The following RAB5B variants were observed in gnomAD, a reference collection of about 807,000 sequenced individuals.
RAB5B encodes ras-related protein Rab-5B.
Under a neutral mutation model 28.6 loss-of-function variants are expected in RAB5B, and 11 were observed. That is an observed-to-expected ratio of 0.38 (90% CI 0.24 to 0.64). The LOEUF (loss-of-function observed/expected upper bound fraction) is 0.64, where lower values mean the gene tolerates loss of function less well. RAB5B is among the 30% of genes least tolerant of loss of function. The pLI is 0.53. For synonymous variants in RAB5B, 93 were observed against 97.9 expected (o/e 0.95, Z 0.29); for missense variants, 169 against 265.6 (o/e 0.64, Z 2.53).
At chr12:55,975,884 T>TAA (rs1889633296) in intron 1 of RAB5B, among the ~76,000 whole-genome samples, 1 of 148,582 alleles carries the variant, frequency 6.7e-6, no homozygotes, top group African/African-American at 2.5e-5. Context: ...CCCAAGTAGC[T>TAA]GGGACTACAG....
At chr12:55,987,949 C>T (rs1890000707) in intron 2 of RAB5B, among the ~76,000 whole-genome samples, 1 of 151,750 alleles carries the variant, frequency 6.6e-6, no homozygotes, top group Non-Finnish European at 1.5e-5. Flanking sequence ...GAGTTCAAGA[C>T]CAGCCTGGCC....
intron 3 of RAB5B, among the ~76,000 whole-genome samples, 170 bp from the exon 4 acceptor site, chr12:55,990,512 A>G (rs1033878758): frequency 2.6e-5 from 4 of 152,196 alleles, no homozygotes; most frequent in Admixed American, 6.6e-5. Flanking sequence ...AAATAAGAGT[A>G]CAAATTATGC....
chr12:55,991,332 G>A (rs1890111760), intron 4 of RAB5B, 28 bp from the exon 5 acceptor site: 4 of 1,554,170 alleles, frequency 2.6e-6, no homozygotes, highest in Non-Finnish European at 2.7e-6. Flanking sequence ...CCTACATTCT[G>A]AGCACTAATA....
At chr12:55,977,250 C>T (rs1021968123) in intron 1 of RAB5B, among the ~76,000 whole-genome samples, 1 of 151,468 alleles carries the variant, frequency 6.6e-6, no homozygotes, top group African/African-American at 2.4e-5. Flanking sequence ...ACTGGGATTA[C>T]AGGAGTGAGC....
At chr12:55,980,355 T>A in intron 1 of RAB5B, 1 of 1,275,258 alleles carries the variant, frequency 7.8e-7, no homozygotes, top group Non-Finnish European at 1.1e-6. Context: ...ATTTCTCCCC[T>A]GCTCACTCCC....
In RAB5B at chr12:55,983,622, C is replaced by T. The variant is rs546886145; in HGVS notation, c.-92-3247C>T. Reference sequence around the variant, plus strand: ...TGAGTTCTCACCTCTCATTCTTTTGCTAACTTCCTCTTTACCCTTTAGTTA... The same window carrying T: ...TGAGTTCTCACCTCTCATTCTTTTGTTAACTTCCTCTTTACCCTTTAGTTA... On this transcript the variant is annotated intron_variant, in intron 1 of 5. Coordinates refer to ENST00000360299, the MANE Select transcript of RAB5B (RefSeq NM_002868.4). Among the ~76,000 whole-genome samples, 4 of 148,664 alleles carry T rather than the reference C, an allele frequency of 2.7e-5. No individual in the cohort carries two copies. In the South Asian group the frequency reaches 8.5e-4, roughly 32 times the overall value.
chr12:55,991,149 T>C (rs763354169), intron 4 of RAB5B: 6 of 558,832 alleles, frequency 1.1e-5, no homozygotes, highest in African/African-American at 1.9e-5. Context: ...TAATTAAGCT[T>C]TCTGACATTT....
At chr12:55,985,185 G>T (rs1045268460) in intron 1 of RAB5B, among the ~76,000 whole-genome samples, 1 of 152,078 alleles carries the variant, frequency 6.6e-6, no homozygotes, top group African/African-American at 2.4e-5. Flanking sequence ...AAAAACAAAC[G>T]TGGAGAATTG....
intron 1 of RAB5B, among the ~76,000 whole-genome samples, chr12:55,975,274 G>A (rs1289681342): frequency 6.6e-6 from 1 of 152,172 alleles, no homozygotes; most frequent in Non-Finnish European, 1.5e-5. Flanking sequence ...GGCAGGTAAT[G>A]GAGTTAACAG....
At chr12:55,991,799 C>T in intron 5 of RAB5B, 1 of 412,154 alleles carries the variant, frequency 2.4e-6, no homozygotes, top group Non-Finnish European at 4.5e-6. Flanking sequence ...TGGTGGCGCA[C>T]ACCTGTAGTC....
At chr12:55,988,601 T>C (rs936653773) in intron 2 of RAB5B, among the ~76,000 whole-genome samples, 1 of 152,240 alleles carries the variant, frequency 6.6e-6, no homozygotes, top group Middle Eastern at 3.4e-3. Context: ...CCTCCCAGGT[T>C]CAAGTGATTC....
At chr12:55,991,199 G>A (rs960708573) in intron 4 of RAB5B, 161 bp from the exon 5 acceptor site, 1 of 593,922 alleles carries the variant, frequency 1.7e-6, no homozygotes, top group African/African-American at 1.9e-5. Context: ...TCTTGAGGGA[G>A]TTGTCATTAA....
intron 1 of RAB5B, among the ~76,000 whole-genome samples, chr12:55,984,793 A>G (rs1057252236): frequency 2.0e-5 from 3 of 152,186 alleles, no homozygotes; most frequent in African/African-American, 7.2e-5. Flanking sequence ...GCTTTTTAGG[A>G]ATATATTGAT....
chr12:55,987,050 A>G lies in RAB5B; in HGVS notation c.90A>G (p.Ala30=). The change falls in exon 2 of 6, where the codon GCA becomes GCG. Residue 30 remains alanine, a synonymous_variant. Coordinates refer to ENST00000360299, the MANE Select transcript of RAB5B (RefSeq NM_002868.4). ...AATTGGTCCTGCTGGGAGAATCTGCAGTGGGAAAGTCAAGCCTGGTATTAC... is the reference window on the plus strand; with the variant it reads ...AATTGGTCCTGCTGGGAGAATCTGCGGTGGGAAAGTCAAGCCTGGTATTAC... The part of the protein sequence containing the change: ...QFKLVLLGES[A]VGKSSLVLRF... 1.9e-6 allele frequency: 3 copies of G among 1,614,094 alleles called. No homozygotes were observed. The highest frequency in any genetic ancestry group is 2.5e-6 in the Non-Finnish European group (3 of 1,179,984).
In RAB5B at chr12:55,992,215, G is replaced by T. The variant is rs1283202810; in HGVS notation, c.*3G>T. 1 of 1,610,206 alleles carries T rather than the reference G, an allele frequency of 6.2e-7. No individual in the cohort carries two copies. On this transcript the variant is annotated 3_prime_UTR_variant, in exon 6 of 6. Coordinates refer to ENST00000360299, the MANE Select transcript of RAB5B (RefSeq NM_002868.4). ...AGAGCCAGTGTTGTAGCAACTGAGG[G>T]GGTGGCTAGCAGCAAACAAGTATGG...
intron 1 of RAB5B, among the ~76,000 whole-genome samples, chr12:55,979,715 T>C: frequency 6.6e-6 from 1 of 152,200 alleles, no homozygotes; most frequent in East Asian, 1.9e-4. Context: ...GGCCTGGGTC[T>C]TCTTAATTTG....
intron 1 of RAB5B, among the ~76,000 whole-genome samples, chr12:55,981,538 T>G (rs184360156): frequency 8.8e-4 from 134 of 152,178 alleles, no homozygotes; most frequent in African/African-American, 3.1e-3. Flanking sequence ...TGATAGGTGA[T>G]AGACTTCTGG....
At chr12:55,981,776 T>A (rs1889814169) in intron 1 of RAB5B, among the ~76,000 whole-genome samples, 1 of 151,972 alleles carries the variant, frequency 6.6e-6, no homozygotes, top group South Asian at 2.1e-4. Flanking sequence ...AATGGGTCAT[T>A]TTATAAGTCA....
rs56291639 is a variant in RAB5B, at chr12:55,996,003, A to ATTTTTTTTTTTTTTTTTTTTT, written c.*3801_*3802insTTTTTTTTTTTTTTTTTTTTT. ...TATATACATATATATATATATATAT[A>ATTTTTTTTTTTTTTTTTTTTT]TTTTTTTTTTAACAACTGGTAGGAT... On this transcript the variant is annotated 3_prime_UTR_variant, in exon 6 of 6. Transcript: ENST00000360299. 5 of 97,396 alleles carry ATTTTTTTTTTTTTTTTTTTTT rather than the reference A, an allele frequency of 5.1e-5. No individual in the cohort carries two copies. Among genetic ancestry groups the ATTTTTTTTTTTTTTTTTTTTT allele is most frequent in the African/African-American group, 2.4e-4 (5 of 21,140 alleles). 6.0% of individuals were successfully genotyped at this position (97,396 alleles called of 1,614,324 possible).
Sources: gnomAD v4.1 joint callset for allele counts (sites outside exome capture counted in the v4.1 genomes callset) on GRCh38, gnomAD v4.1.1 for gene constraint, MANE v1.5 for transcripts, NCBI Gene and HGNC (gene_info 2026-07-23, HGNC 2026-07-21) for gene names.